The following SCFD2 variants were observed in gnomAD, a reference collection of about 807,000 sequenced individuals.
The protein encoded by SCFD2 is sec1 family domain-containing protein 2.
SCFD2 carries 54 observed loss-of-function variants against 58.9 expected under a neutral mutation model. The ratio of observed to expected loss-of-function variants is 0.92; its 90% CI spans 0.74 to 1.15. SCFD2 has a LOEUF of 1.15. SCFD2 is among the 50% of genes most tolerant of loss of function. The pLI is 0.00. For missense variants in SCFD2, 805 were observed against 836.6 expected (o/e 0.96, Z 0.47); for synonymous variants, 321 against 335.9 (o/e 0.96, Z 0.49).
intron 5 of SCFD2, among the ~76,000 whole-genome samples, chr4:53,039,515 C>G (rs1436955376): frequency 6.6e-6 from 1 of 152,092 alleles, no homozygotes; most frequent in Admixed American, 6.6e-5. Context: ...ACTTTAAAGA[C>G]AAATTTCTAT....
chr4:53,218,579 G>C (rs1356788260), intron 4 of SCFD2, among the ~76,000 whole-genome samples: 1 of 152,154 alleles, frequency 6.6e-6, no homozygotes, highest in Non-Finnish European at 1.5e-5. Context: ...TCTTTGCGAT[G>C]GGTTTGCACT....
chr4:53,312,711 T>C (rs961680572), intron 3 of SCFD2, among the ~76,000 whole-genome samples: 1 of 152,148 alleles, frequency 6.6e-6, no homozygotes, highest in Non-Finnish European at 1.5e-5. Flanking sequence ...TTTGCCCCCA[T>C]GTGTAATCAA....
chr4:53,080,256 A>G (rs996739541), intron 5 of SCFD2, among the ~76,000 whole-genome samples: 16 of 152,142 alleles, frequency 1.1e-4, no homozygotes, highest in Admixed American at 8.5e-4. Context: ...GGGTAAAATG[A>G]ACATTTTGTA....
intron 5 of SCFD2, among the ~76,000 whole-genome samples, chr4:52,930,503 G>A (rs1305710628): frequency 6.6e-6 from 1 of 152,058 alleles, no homozygotes; most frequent in Non-Finnish European, 1.5e-5. Context: ...AGCAAAAATT[G>A]ACAAATGGGA....
chr4:52,935,187 G>C (rs978692033), intron 5 of SCFD2, among the ~76,000 whole-genome samples: 1 of 152,208 alleles, frequency 6.6e-6, no homozygotes, highest in African/African-American at 2.4e-5. Flanking sequence ...CTTGTGCTTG[G>C]CATATGGAAG....
At chr4:52,967,772 T>C (rs930515081) in intron 5 of SCFD2, among the ~76,000 whole-genome samples, 9 of 152,204 alleles carry the variant, frequency 5.9e-5, no homozygotes, top group Admixed American at 1.3e-4. Context: ...TTCTGAGCCA[T>C]GCCTGAGCTT....
At chr4:53,250,590 T>A (rs935098189) in intron 4 of SCFD2, among the ~76,000 whole-genome samples, 2 of 152,164 alleles carry the variant, frequency 1.3e-5, no homozygotes, top group African/African-American at 4.8e-5. Context: ...ATTAAGAAAC[T>A]CACTCAAAAC....
At chr4:53,200,623 C>T (rs1728201631) in intron 4 of SCFD2, among the ~76,000 whole-genome samples, 1 of 152,084 alleles carries the variant, frequency 6.6e-6, no homozygotes, top group African/African-American at 2.4e-5. Flanking sequence ...AGGACAAGCG[C>T]TTGTCTCGTA....
In SCFD2 at chr4:53,122,006, C is replaced by A. The variant is rs538748174; in HGVS notation, c.1561+23327G>T. The stretch of plus-strand genomic sequence containing the variant: ...CATCACATCACATTATCCATTTGAA[C>A]CCAATTCTGACCTGATGGAATCACC... On this transcript the variant is annotated intron_variant, in intron 5 of 8. Coordinates refer to ENST00000401642, the MANE Select transcript of SCFD2 (RefSeq NM_152540.4). Among the ~76,000 whole-genome samples the A allele has an allele frequency of 7.9e-5, 12 of 152,164 alleles. No individual in the cohort carries two copies. The South Asian group carries it at 2.1e-3, about 26-fold the overall frequency.
chr4:53,015,782 T>C (rs1472679931), intron 5 of SCFD2, among the ~76,000 whole-genome samples: 1 of 152,192 alleles, frequency 6.6e-6, no homozygotes, highest in African/African-American at 2.4e-5. Flanking sequence ...AACGGTCTTC[T>C]GTAGTAACAT....
intron 5 of SCFD2, among the ~76,000 whole-genome samples, chr4:53,103,146 T>C (rs1197658288): frequency 6.6e-6 from 1 of 152,142 alleles, no homozygotes; most frequent in Non-Finnish European, 1.5e-5. Flanking sequence ...ACATTGCTTA[T>C]TTCTTGCAAG....
At chr4:53,319,651 C>G (rs140207580) in intron 2 of SCFD2, among the ~76,000 whole-genome samples, 4 of 152,224 alleles carry the variant, frequency 2.6e-5, no homozygotes, top group African/African-American at 9.6e-5. Flanking sequence ...CCTGCCTCAG[C>G]CTCCTGGATA....
intron 4 of SCFD2, among the ~76,000 whole-genome samples, chr4:53,244,683 A>T (rs1199916381): frequency 2.0e-5 from 3 of 152,120 alleles, no homozygotes; most frequent in African/African-American, 7.2e-5. Flanking sequence ...CAACTAAAAG[A>T]ACTAGAGAAG....
At chr4:53,262,407 G>T (rs1295425819) in intron 4 of SCFD2, among the ~76,000 whole-genome samples, 1 of 152,120 alleles carries the variant, frequency 6.6e-6, no homozygotes, top group Non-Finnish European at 1.5e-5. Flanking sequence ...TTTGTTTCAA[G>T]ATTTAGAACT....
At chr4:53,304,127 TTTTC>T (rs1732435245) in intron 3 of SCFD2, among the ~76,000 whole-genome samples, 7 of 152,014 alleles carry the variant, frequency 4.6e-5, no homozygotes, top group African/African-American at 1.7e-4. Context: ...AAGAAAATTC[TTTTC>T]TTTAAGTATG....
intron 5 of SCFD2, among the ~76,000 whole-genome samples, chr4:53,008,941 A>G (rs1722037287): frequency 6.6e-6 from 1 of 152,218 alleles, no homozygotes. Context: ...ATGGTGCAGA[A>G]GAGATGTGTG....
chr4:52,972,657 C>A (rs1305076353), intron 5 of SCFD2, among the ~76,000 whole-genome samples: 2 of 152,140 alleles, frequency 1.3e-5, no homozygotes, highest in African/African-American at 2.4e-5. Flanking sequence ...CAGCTCTGCA[C>A]CAAGCAGACC....
intron 4 of SCFD2, among the ~76,000 whole-genome samples, chr4:53,269,339 A>G (rs1334762705): frequency 6.6e-6 from 1 of 152,160 alleles, no homozygotes; most frequent in African/African-American, 2.4e-5. Flanking sequence ...AATTTAAAAA[A>G]GAACTATGAA....
chr4:53,298,902 A>G (rs1210971442), intron 3 of SCFD2, among the ~76,000 whole-genome samples: 1 of 152,208 alleles, frequency 6.6e-6, no homozygotes, highest in Non-Finnish European at 1.5e-5. Flanking sequence ...TTAGAAGGAA[A>G]ACTAACAAAG....
Sources: gnomAD v4.1 joint callset for allele counts (sites outside exome capture counted in the v4.1 genomes callset) on GRCh38, gnomAD v4.1.1 for gene constraint, MANE v1.5 for transcripts, NCBI Gene and HGNC (gene_info 2026-07-23, HGNC 2026-07-21) for gene names.